The following ERG variants were observed in gnomAD, a reference collection of about 807,000 sequenced individuals.
ERG encodes the protein transcriptional regulator ERG.
Under a neutral mutation model 55.3 loss-of-function variants are expected in ERG, and 9 were observed. The observed-to-expected ratio is 0.16, with a 90% CI of 0.10 to 0.28. The LOEUF is 0.28. Ranked by LOEUF, ERG falls within the 10% of genes least tolerant of loss-of-function variation. ERG has a pLI of 1.00. For missense variants in ERG, 434 were observed against 631.6 expected, an observed-to-expected ratio of 0.69 and a Z score of 3.35; for synonymous variants, 223 against 237.3, an observed-to-expected ratio of 0.94 and a Z score of 0.55.
intron 1 of ERG, chr21:38,451,260 C>G: frequency 2.0e-6 from 1 of 491,480 alleles, no homozygotes; most frequent in Non-Finnish European, 4.1e-6. Context: ...AAGGACTTCT[C>G]TAGGTATACC....
intron 1 of ERG, among the ~76,000 whole-genome samples, chr21:38,480,545 A>T (rs1450572735): frequency 2.5e-5 from 3 of 120,134 alleles, no homozygotes; most frequent in Non-Finnish European, 1.8e-5. Flanking sequence ...GTACTTGTGG[A>T]TGCTGTTTTT....
chr21:38,406,154 C>CATAAAAAAAAAAA (rs1988758594), intron 3 of ERG, among the ~76,000 whole-genome samples: 1 of 95,080 alleles, frequency 1.1e-5, no homozygotes, highest in Non-Finnish European at 2.0e-5. Context: ...GACTCCATCT[C>CATAAAAAAAAAAA]AAAAAAAAAA....
At chr21:38,589,215 G>A (rs914799034), upstream of ERG, among the ~76,000 whole-genome samples, 3 of 152,168 alleles carry the variant, frequency 2.0e-5, no homozygotes, top group Admixed American at 1.3e-4. Context: ...CCAAGAAGTA[G>A]CCTGGACCCC....
chr21:38,586,290 AT>A (rs1229703705), upstream of ERG, among the ~76,000 whole-genome samples: 3 of 149,452 alleles, frequency 2.0e-5, no homozygotes, highest in Non-Finnish European at 4.4e-5. Context: ...TCACATACTT[AT>A]TTTTTTGTGG....
At chr21:38,658,491 C>A (rs145470153) in intron 1 of ERG, among the ~76,000 whole-genome samples, 2 of 152,302 alleles carry the variant, frequency 1.3e-5, no homozygotes, top group East Asian at 3.9e-4. Context: ...ATTCCAGAAA[C>A]ATTAGCTCTT....
At chr21:38,520,697 A>G (rs1014395709) in intron 2 of ERG, among the ~76,000 whole-genome samples, 1 of 152,230 alleles carries the variant, frequency 6.6e-6, no homozygotes, top group Non-Finnish European at 1.5e-5. Context: ...GAGTTTCTGC[A>G]GGAAGACCTA....
chr21:38,369,255 T>C, the ERG span, among the ~76,000 whole-genome samples: 32 of 152,388 alleles, frequency 2.1e-4, no homozygotes, highest in African/African-American at 7.7e-4. Flanking sequence ...CATTCCTTTT[T>C]ATTCACAACC....
At chr21:38,398,096 G>C (rs1322673120) in intron 6 of ERG, among the ~76,000 whole-genome samples, 2 of 152,166 alleles carry the variant, frequency 1.3e-5, no homozygotes, top group African/African-American at 4.8e-5. Context: ...CTTTCTGAAA[G>C]TAGTCAGGTA....
intron 2 of ERG, among the ~76,000 whole-genome samples, chr21:38,541,363 C>T (rs979603640): frequency 6.6e-6 from 1 of 152,136 alleles, no homozygotes; most frequent in Non-Finnish European, 1.5e-5. Flanking sequence ...AGGTGAGTTG[C>T]CTGGATAGCA....
intron 1 of ERG, among the ~76,000 whole-genome samples, chr21:38,483,371 T>A (rs1272175148): frequency 6.6e-6 from 1 of 152,186 alleles, no homozygotes; most frequent in Non-Finnish European, 1.5e-5. Context: ...CTTATCACCA[T>A]CTTCATGTAT....
chr21:38,548,924 C>A lies in ERG; in HGVS notation c.-41+26738G>T, dbSNP rs1179423012. Among the ~76,000 whole-genome samples, 7 of 150,810 alleles carry A rather than the reference C, an allele frequency of 4.6e-5. No homozygotes were observed. The South Asian group carries it at 6.3e-4, about 14-fold the overall frequency. ...GGGAGATCGAGACCATCCTGGCTAACATGGTGAAACCCCGCCTCTACTAAA... is the reference window on the plus strand; with the variant it reads ...GGGAGATCGAGACCATCCTGGCTAAAATGGTGAAACCCCGCCTCTACTAAA... On this transcript the variant is annotated intron_variant, in intron 2 of 8. Transcript: ENST00000398897.
chr21:38,560,959 G>A (rs1214705783), intron 2 of ERG, among the ~76,000 whole-genome samples: 1 of 151,998 alleles, frequency 6.6e-6, no homozygotes. Context: ...GTTGATTTAT[G>A]TCATGCATTA....
chr21:38,383,489 A>G lies in ERG; in HGVS notation c.1354T>C (p.Tyr452His). The change falls in exon 10 of 10, where the codon TAC (tyrosine) becomes CAC (histidine). Residue 452 changes from tyrosine (Y) to histidine (H), a missense_variant. This residue lies in a region of ERG where 107 missense variants were observed against 126.8 expected (regional missense o/e 0.84). Coordinates refer to ENST00000288319, the MANE Select transcript of ERG (RefSeq NM_182918.4). The surrounding 1 kb of genome is among the most constrained non-coding windows in gnomAD (Gnocchi z 5.7). The part of the protein sequence containing the change: ...SSSFFAAPNP[Y>H]WNSPTGGIYP... ...ATACCCCCAGTTGGTGAATTCCAGT[A>G]TGGGTTTGGGGCAGCAAAAAAACTG... The G allele has an allele frequency of 6.5e-7, 1 of 1,541,118 alleles. No homozygotes were observed. The highest frequency in any genetic ancestry group is 8.8e-7 in the Non-Finnish European group (1 of 1,141,560).
intron 1 of ERG, among the ~76,000 whole-genome samples, chr21:38,492,269 A>G (rs539269022): frequency 4.6e-5 from 7 of 152,230 alleles, no homozygotes; most frequent in Non-Finnish European, 1.0e-4. Context: ...AGAGTTTAGC[A>G]CAGGACTTGG....
chr21:38,399,807 G>T (rs1988402666), intron 6 of ERG, among the ~76,000 whole-genome samples: 1 of 152,156 alleles, frequency 6.6e-6, no homozygotes, highest in Non-Finnish European at 1.5e-5. Context: ...ATCACATTAG[G>T]GAAAACATTT....
intron 2 of ERG, among the ~76,000 whole-genome samples, chr21:38,523,153 T>C (rs1175208371): frequency 6.6e-6 from 1 of 152,160 alleles, no homozygotes; most frequent in Non-Finnish European, 1.5e-5. Context: ...CTCTGAAATA[T>C]GCCCTATCAT....
chr21:38,488,760 A>G (rs2146669737), intron 1 of ERG, among the ~76,000 whole-genome samples: 1 of 152,332 alleles, frequency 6.6e-6, no homozygotes, highest in East Asian at 1.9e-4. Context: ...AAATATAAAA[A>G]CATTCGAATT....
intron 1 of ERG, among the ~76,000 whole-genome samples, chr21:38,612,483 T>A (rs1352327632): frequency 6.6e-6 from 1 of 152,178 alleles, no homozygotes; most frequent in Non-Finnish European, 1.5e-5. Context: ...ATCAACAAAT[T>A]TATTTTATAT....
At chr21:38,569,089 C>T (rs915766817) in intron 2 of ERG, among the ~76,000 whole-genome samples, 2 of 152,344 alleles carry the variant, frequency 1.3e-5, no homozygotes, top group East Asian at 3.9e-4. Flanking sequence ...CTAGCAGCTT[C>T]GCTGTGCCCG....
Sources: gnomAD v4.1 joint callset for allele counts (sites outside exome capture counted in the v4.1 genomes callset) on GRCh38, gnomAD v4.1.1 for gene constraint, gnomAD v4.1.1 regional missense constraint, Gnocchi (gnomAD v3.1) non-coding constraint, MANE v1.5 for transcripts, NCBI Gene and HGNC (gene_info 2026-07-23, HGNC 2026-07-21) for gene names.